Variants in MAGI1 observed in about 807,000 individuals in gnomAD.
MAGI1 encodes the protein membrane-associated guanylate kinase, WW and PDZ domain-containing protein 1.
In MAGI1, 58 loss-of-function variants were observed where a neutral mutation model predicts 139.9. That is an observed-to-expected ratio of 0.41 (90% CI 0.34 to 0.52). The LOEUF (loss-of-function observed/expected upper bound fraction) is 0.52. Among genes scored for constraint, MAGI1 ranks in the 20% least tolerant of loss-of-function variants. The pLI, the probability that MAGI1 is intolerant of heterozygous loss-of-function variation, is 0.12. For synonymous variants in MAGI1, 812 were observed against 737.9 expected, an observed-to-expected ratio of 1.10 and a Z score of -1.63; for missense variants, 1,874 against 1,901.6, an observed-to-expected ratio of 0.99 and a Z score of 0.27.
intron 4 of MAGI1, among the ~76,000 whole-genome samples, chr3:65,471,205 G>T (rs1950541501): frequency 1.3e-5 from 2 of 152,116 alleles, no homozygotes; most frequent in South Asian, 4.1e-4. Context: ...GAGTCTCCTT[G>T]CCTTCTTATT....
At chr3:66,030,058 A>G (rs1008573744) in intron 1 of MAGI1, among the ~76,000 whole-genome samples, 6 of 152,218 alleles carry the variant, frequency 3.9e-5, no homozygotes, top group Admixed American at 3.9e-4. Context: ...GACTCCAAGG[A>G]GACTCCAGTG....
At chr3:65,804,328 T>G (rs2040706264) in intron 1 of MAGI1, among the ~76,000 whole-genome samples, 1 of 150,432 alleles carries the variant, frequency 6.6e-6, no homozygotes, top group South Asian at 2.1e-4. Context: ...AGGGGAGAGA[T>G]TTTCAGATAA....
At chr3:65,796,050 CAAAAAAA>C (rs35663778) in intron 1 of MAGI1, among the ~76,000 whole-genome samples, 4 of 103,052 alleles carry the variant, frequency 3.9e-5, no homozygotes, top group African/African-American at 1.2e-4. Flanking sequence ...GACTCTGTCT[CAAAAAAA>C]AAAAAAAAAA....
chr3:65,424,285 T>C (rs1377410054), intron 12 of MAGI1, among the ~76,000 whole-genome samples: 1 of 152,166 alleles, frequency 6.6e-6, no homozygotes, highest in Non-Finnish European at 1.5e-5. Flanking sequence ...TTACAAAGTG[T>C]GCTTATAAAG....
At chr3:65,933,384 T>G (rs914582392) in intron 1 of MAGI1, among the ~76,000 whole-genome samples, 1 of 152,320 alleles carries the variant, frequency 6.6e-6, no homozygotes, top group Admixed American at 6.5e-5. Context: ...TTCACTAATA[T>G]GGCTGCTGAT....
At chr3:65,695,504 C>T (rs1435017791) in intron 1 of MAGI1, among the ~76,000 whole-genome samples, 1 of 152,232 alleles carries the variant, frequency 6.6e-6, no homozygotes, top group African/African-American at 2.4e-5. Context: ...ATTCCCTGTT[C>T]TTGAAAGGGC....
intron 8 of MAGI1, among the ~76,000 whole-genome samples, chr3:65,440,974 G>T (rs1948284240): frequency 1.3e-5 from 2 of 151,322 alleles, no homozygotes; most frequent in Admixed American, 1.3e-4. Context: ...ATTATTTATT[G>T]TTTTTTGAGA....
At chr3:65,849,337 T>C (rs2059124144) in intron 1 of MAGI1, among the ~76,000 whole-genome samples, 1 of 151,876 alleles carries the variant, frequency 6.6e-6, no homozygotes, top group African/African-American at 2.4e-5. Context: ...GACCATTCTT[T>C]TCCCTTCTGC....
chr3:65,529,514 G>A (rs2078540100), intron 2 of MAGI1, among the ~76,000 whole-genome samples: 1 of 152,188 alleles, frequency 6.6e-6, no homozygotes, highest in Non-Finnish European at 1.5e-5. Context: ...TTCAAGGCAT[G>A]TAATGTGGCA....
At chr3:65,379,706 T>C (rs1052590956) in intron 16 of MAGI1, 152 bp from the exon 17 acceptor site, 2 of 1,318,252 alleles carry the variant, frequency 1.5e-6, no homozygotes, top group African/African-American at 2.9e-5. Context: ...GATATACGGA[T>C]TGAAAGCAGC....
intron 1 of MAGI1, among the ~76,000 whole-genome samples, chr3:65,725,175 T>C (rs561616870): frequency 6.6e-6 from 1 of 152,266 alleles, no homozygotes; most frequent in East Asian, 1.9e-4. Context: ...CAGTTATAAT[T>C]AAGTCATTCA....
At chr3:65,530,111 T>C (rs1026697832) in intron 2 of MAGI1, among the ~76,000 whole-genome samples, 2 of 152,148 alleles carry the variant, frequency 1.3e-5, no homozygotes, top group Admixed American at 6.5e-5. Context: ...ACCTTGCATA[T>C]AGCACAAATA....
At chr3:65,738,827 G>T (rs1379058592) in intron 1 of MAGI1, among the ~76,000 whole-genome samples, 4 of 152,170 alleles carry the variant, frequency 2.6e-5, no homozygotes. Context: ...AGTAAAACAT[G>T]CTATAAGCAG....
In MAGI1 at chr3:65,400,485, T is replaced by C. The variant is rs545927694; in HGVS notation, c.2199+954A>G. ...ATGGCACGAGGCTGTACATTTTCCCTCCCCCAAATCTTCTAAACCACATGG... is the reference window on the plus strand; with the variant it reads ...ATGGCACGAGGCTGTACATTTTCCCCCCCCCAAATCTTCTAAACCACATGG... On this transcript the variant is annotated intron_variant, in intron 13 of 22. Transcript: ENST00000402939. 2.0e-5 allele frequency among the ~76,000 whole-genome samples: 3 copies of C among 152,016 alleles called. No homozygotes were observed. In the East Asian group the frequency reaches 5.8e-4, roughly 29 times the overall value.
intron 1 of MAGI1, among the ~76,000 whole-genome samples, chr3:65,689,010 G>T (rs2088321497): frequency 6.6e-6 from 1 of 152,146 alleles, no homozygotes; most frequent in South Asian, 2.1e-4. Context: ...CCTCGACTAT[G>T]ATTTTTGTGC....
intron 2 of MAGI1, among the ~76,000 whole-genome samples, chr3:65,594,793 G>C (rs979562012): frequency 2.0e-5 from 3 of 152,122 alleles, no homozygotes; most frequent in Non-Finnish European, 2.9e-5. Flanking sequence ...TATTCTGATG[G>C]GGGGGTGTCT....
At chr3:66,010,312 G>A (rs1479570049) in intron 1 of MAGI1, among the ~76,000 whole-genome samples, 1 of 152,022 alleles carries the variant, frequency 6.6e-6, no homozygotes, top group African/African-American at 2.4e-5. Context: ...TCTGTTCTGT[G>A]GTGCCTTGGC....
At chr3:65,871,110 G>A (rs150090444) in intron 1 of MAGI1, among the ~76,000 whole-genome samples, 17 of 152,014 alleles carry the variant, frequency 1.1e-4, no homozygotes, top group African/African-American at 4.1e-4. Context: ...AGCTAATTTT[G>A]TATTTTTTCT....
intron 1 of MAGI1, among the ~76,000 whole-genome samples, chr3:65,979,380 G>C (rs553629448): frequency 6.6e-6 from 1 of 152,132 alleles, no homozygotes; most frequent in African/African-American, 2.4e-5. Context: ...TTCAGGAGCA[G>C]TTGGCTGAAA....
Sources: gnomAD v4.1 joint callset for allele counts (sites outside exome capture counted in the v4.1 genomes callset) on GRCh38, gnomAD v4.1.1 for gene constraint, MANE v1.5 for transcripts, NCBI Gene and HGNC (gene_info 2026-07-23, HGNC 2026-07-21) for gene names.